SDK1: variants seen among roughly 807,000 people sequenced by gnomAD.
SDK1 encodes the protein sidekick cell adhesion molecule 1, also known as protein sidekick-1.
SDK1 carries 157 observed loss-of-function variants against 245.5 expected under a neutral mutation model. That is an observed-to-expected ratio of 0.64 (90% confidence interval 0.56 to 0.73). SDK1 has a LOEUF of 0.73. SDK1 is among the 30% of genes least tolerant of loss of function. The pLI is 0.00. For missense variants in SDK1, 3,583 were observed against 3,002.3 expected (o/e 1.19, Z -4.52); for synonymous variants, 1,647 against 1,278.5 (o/e 1.29, Z -6.15).
intron 1 of SDK1, among the ~76,000 whole-genome samples, chr7:3,530,214 C>A (rs139515856): frequency 6.6e-6 from 1 of 152,070 alleles, no homozygotes; most frequent in Admixed American, 6.6e-5. Flanking sequence ...AATAAAGATA[C>A]AATAAACCAT....
At chr7:3,945,702 A>C (rs1780547144) in intron 5 of SDK1, among the ~76,000 whole-genome samples, 2 of 151,972 alleles carry the variant, frequency 1.3e-5, no homozygotes, top group South Asian at 4.2e-4. Context: ...GATCGAGACC[A>C]TCCTGGCTAA....
At chr7:3,605,129 G>GA (rs566038077) in intron 1 of SDK1, among the ~76,000 whole-genome samples, 4,802 of 106,474 alleles carry the variant, frequency 0.045, 89 homozygotes, top group Middle Eastern at 0.065. Context: ...AGCACTTGAG[G>GA]AAAAAAAAAA....
chr7:3,311,648 T>C (rs888833561), intron 1 of SDK1, among the ~76,000 whole-genome samples: 1 of 152,224 alleles, frequency 6.6e-6, no homozygotes, highest in African/African-American at 2.4e-5. Flanking sequence ...GAAGTGATCA[T>C]TTCTGTTTCA....
intron 1 of SDK1, among the ~76,000 whole-genome samples, chr7:3,520,417 G>A (rs1057365890): frequency 6.6e-6 from 1 of 152,166 alleles, no homozygotes; most frequent in African/African-American, 2.4e-5. Flanking sequence ...AACAGGCTGT[G>A]TGTAAAAGCT....
rs116331020 is a variant in SDK1, at chr7:3,977,572, T to C, written c.1994+3027T>C. Among the ~76,000 whole-genome samples, 1,132 of 152,340 alleles carry C rather than the reference T, an allele frequency of 7.4e-3. 16 individuals carry two copies. The highest frequency in any genetic ancestry group is 0.033 in the South Asian group (160 of 4,830). ...CTGTCTCTGCGGTTGGGTGCTGTCATCCGTGGGCTTCCCCGGAGGTCTCCT... is the reference window on the plus strand; with the variant it reads ...CTGTCTCTGCGGTTGGGTGCTGTCACCCGTGGGCTTCCCCGGAGGTCTCCT... On this transcript the variant is annotated intron_variant, in intron 13 of 44. Coordinates refer to ENST00000404826, the MANE Select transcript of SDK1 (RefSeq NM_152744.4).
chr7:3,684,705 A>G (rs962560373), intron 4 of SDK1, among the ~76,000 whole-genome samples: 1 of 152,250 alleles, frequency 6.6e-6, no homozygotes. Context: ...AAATATTTTA[A>G]AGCAGCTAGT....
chr7:3,884,160 A>T (rs1583511010), intron 5 of SDK1, among the ~76,000 whole-genome samples: 1 of 150,760 alleles, frequency 6.6e-6, no homozygotes, highest in East Asian at 2.0e-4. Flanking sequence ...AGCTCGCTGC[A>T]GCCTCGACCT....
At position 3,554,259 on chromosome 7, in the gene SDK1, G is replaced by A. The variant is rs369989118; in HGVS notation, c.299-64821G>A. Among the ~76,000 whole-genome samples, 106 of 152,184 alleles carry A rather than the reference G, an allele frequency of 7.0e-4. 1 individual carries two copies. Among genetic ancestry groups the A allele is most frequent in the African/African-American group, 2.2e-3 (93 of 41,526 alleles). ...CTCATGCGGAGTGCACTCTCTGATCGTAGTGGAGTCTATTAGAAATCAGTA... is the reference window on the plus strand; with the variant it reads ...CTCATGCGGAGTGCACTCTCTGATCATAGTGGAGTCTATTAGAAATCAGTA... On this transcript the variant is annotated intron_variant, in intron 1 of 44. Transcript: ENST00000404826.
intron 5 of SDK1, among the ~76,000 whole-genome samples, chr7:3,825,840 A>G (rs1337749197): frequency 1.3e-5 from 2 of 152,210 alleles, no homozygotes; most frequent in African/African-American, 4.8e-5. Context: ...GAACAGGCAG[A>G]TGCCTTCCAG....
intron 1 of SDK1, among the ~76,000 whole-genome samples, chr7:3,424,940 T>C (rs1425843015): frequency 6.6e-6 from 1 of 152,008 alleles, no homozygotes; most frequent in Non-Finnish European, 1.5e-5. Flanking sequence ...AAACCTAAAA[T>C]AAGAAGAGCA....
chr7:3,367,918 A>C (rs1021433141), intron 1 of SDK1, among the ~76,000 whole-genome samples: 1 of 152,268 alleles, frequency 6.6e-6, no homozygotes, highest in Non-Finnish European at 1.5e-5. Flanking sequence ...AGAATAAACC[A>C]GAACATTCTT....
rs1782777212 is a variant in SDK1 at position 3,974,755 on chromosome 7, T to C, written c.1994+210T>C. 1.7e-5 allele frequency: 9 copies of C among 526,878 alleles called. No individual in the cohort carries two copies. In the East Asian group the frequency reaches 2.8e-4, roughly 16 times the overall value. The allele number at this position is 526,878 out of a possible 1,614,324, so 32.6% of individuals were successfully genotyped here. On this transcript the variant is annotated intron_variant, in intron 13 of 44. Transcript: ENST00000404826. ...CGGAATTGAGAAGTTTCGTTTTTGG[T>C]GTAGATGGTGTGATCATTGGTTTTT...
At chr7:3,857,369 A>T (rs1049132700) in intron 5 of SDK1, among the ~76,000 whole-genome samples, 1 of 152,206 alleles carries the variant, frequency 6.6e-6, no homozygotes, top group African/African-American at 2.4e-5. Flanking sequence ...TATTTCAGGC[A>T]ATATGATTAC....
intron 4 of SDK1, among the ~76,000 whole-genome samples, chr7:3,672,120 G>A (rs1783718392): frequency 6.6e-6 from 1 of 152,102 alleles, no homozygotes; most frequent in Admixed American, 6.6e-5. Flanking sequence ...TAACTCTGAG[G>A]AGTGGCGGGT....
At position 3,309,577 on chromosome 7, in the gene SDK1, G is replaced by A. The variant is rs73286357; in HGVS notation, c.298+7693G>A. ...TATAAACTGTTCCCAAAGGGAGCAA[G>A]TTTCCAGGGATGCAACTTTGATTTA... On this transcript the variant is annotated intron_variant, in intron 1 of 44. Coordinates refer to ENST00000404826, the MANE Select transcript of SDK1 (RefSeq NM_152744.4). Among the ~76,000 whole-genome samples the A allele has an allele frequency of 8.8e-3, 1,280 of 145,180 alleles. 24 individuals are homozygous for A. The highest frequency in any genetic ancestry group is 0.031 in the African/African-American group (1,206 of 39,376).
chr7:3,313,049 G>T (rs1779586721), intron 1 of SDK1, among the ~76,000 whole-genome samples: 1 of 152,152 alleles, frequency 6.6e-6, no homozygotes, highest in Non-Finnish European at 1.5e-5. Flanking sequence ...AACATCAAAG[G>T]CTGGAAGTGG....
rs768645013 is a variant in SDK1 at position 4,113,420 on chromosome 7, G to C, written c.3566G>C (p.Ser1189Thr). The change falls in exon 24 of 45, where the codon AGC becomes ACC. Residue 1189 changes from serine to threonine, a missense_variant. Coordinates refer to ENST00000404826, the MANE Select transcript of SDK1 (RefSeq NM_152744.4). ...SVTVRTASETSLRLRWVPLPD... is the reference protein window; with the variant it reads ...SVTVRTASETTLRLRWVPLPD... ...ACGGTCCGTACTGCCAGTGAGACCA[G>C]CCTGCGGCTTCGCTGGGTGGTGAGT... 1.9e-5 allele frequency: 30 copies of C among 1,613,772 alleles called. No homozygotes were observed. In the South Asian group the frequency reaches 3.3e-4, roughly 18 times the overall value.
chr7:3,648,815 A>G (rs10247668), intron 4 of SDK1, among the ~76,000 whole-genome samples: 37,523 of 152,128 alleles, frequency 0.25, 4,934 homozygotes, highest in South Asian at 0.34. Context: ...ACGAGTAGAT[A>G]CGGGTTCCAG....
At chr7:3,737,864 A>T (rs1200510861) in intron 4 of SDK1, among the ~76,000 whole-genome samples, 5 of 152,194 alleles carry the variant, frequency 3.3e-5, no homozygotes, top group Admixed American at 3.3e-4. Context: ...GTGCTCTACC[A>T]GACTGGGGAG....
Sources: gnomAD v4.1 joint callset for allele counts (sites outside exome capture counted in the v4.1 genomes callset) on GRCh38, gnomAD v4.1.1 for gene constraint, MANE v1.5 for transcripts, NCBI Gene and HGNC (gene_info 2026-07-23, HGNC 2026-07-21) for gene names.